Variants in NTM observed in about 807,000 individuals in gnomAD.
NTM encodes neurotrimin, also known as IgLON family member 2.
NTM carries 13 observed loss-of-function variants against 42.1 expected under a neutral mutation model. The observed-to-expected ratio is 0.31, with a 90% CI of 0.20 to 0.49. The LOEUF is 0.49. Among genes scored for constraint, NTM ranks in the 20% least tolerant of loss-of-function variants. NTM has a pLI of 0.99. For synonymous variants in NTM, 187 were observed against 179.2 expected (o/e 1.04, Z -0.35); for missense variants, 373 against 452.8 (o/e 0.82, Z 1.60).
intron 1 of NTM, among the ~76,000 whole-genome samples, chr11:131,677,074 G>A (rs377479832): frequency 2.0e-5 from 3 of 152,182 alleles, no homozygotes; most frequent in Non-Finnish European, 4.4e-5. Flanking sequence ...AGCTAGATCT[G>A]CCTCTGGCAT....
At chr11:132,276,084 G>T (rs2093717134) in intron 4 of NTM, among the ~76,000 whole-genome samples, 1 of 151,842 alleles carries the variant, frequency 6.6e-6, no homozygotes, top group Admixed American at 6.6e-5. Flanking sequence ...ATATATGTGA[G>T]ATCATGCAGT....
chr11:131,910,566 G>T (rs1312549059), intron 1 of NTM, among the ~76,000 whole-genome samples: 2 of 151,178 alleles, frequency 1.3e-5, no homozygotes, highest in African/African-American at 4.8e-5. Flanking sequence ...GGCGGTCAGG[G>T]ATGGAGCTGC....
At chr11:132,314,801 A>G in intron 7 of NTM, 98 bp downstream of exon 7, 3 of 1,438,514 alleles carry the variant, frequency 2.1e-6, no homozygotes, top group Non-Finnish European at 1.8e-6. Flanking sequence ...AGAGGTTAGC[A>G]GGGTATCAGT....
chr11:131,571,132 C>T (rs1294570419), intron 1 of NTM, among the ~76,000 whole-genome samples: 5 of 152,222 alleles, frequency 3.3e-5, no homozygotes, highest in East Asian at 1.9e-4. Flanking sequence ...AATAGTGGCT[C>T]CTCATGGCAT....
At chr11:131,394,099 C>T (rs1944308318) in intron 1 of NTM, among the ~76,000 whole-genome samples, 1 of 152,194 alleles carries the variant, frequency 6.6e-6, no homozygotes, top group Non-Finnish European at 1.5e-5. Flanking sequence ...GGTCTTTCAA[C>T]ACGATTTTCC....
At chr11:132,095,754 C>T (rs149977468) in intron 2 of NTM, among the ~76,000 whole-genome samples, 7 of 152,240 alleles carry the variant, frequency 4.6e-5, no homozygotes, top group East Asian at 3.9e-4. Flanking sequence ...CATCATGCAG[C>T]GTGATCCTAG....
intron 2 of NTM, among the ~76,000 whole-genome samples, chr11:131,974,986 CA>C (rs1372099140): frequency 1.3e-5 from 2 of 152,128 alleles, no homozygotes; most frequent in Non-Finnish European, 2.9e-5. Context: ...TAATAGTTTG[CA>C]AAAACCTTCA....
At chr11:131,604,643 G>T (rs2060772239) in intron 1 of NTM, among the ~76,000 whole-genome samples, 1 of 132,990 alleles carries the variant, frequency 7.5e-6, no homozygotes. Flanking sequence ...CTTCTAAAAG[G>T]TTTTTTTTTT....
At chr11:132,083,353 A>G (rs1350367737) in intron 2 of NTM, among the ~76,000 whole-genome samples, 1 of 152,244 alleles carries the variant, frequency 6.6e-6, no homozygotes, top group Non-Finnish European at 1.5e-5. Context: ...CTTTAGTTTT[A>G]TACTTGGCCT....
chr11:132,215,380 C>T (rs985545605), intron 4 of NTM, among the ~76,000 whole-genome samples: 2 of 151,880 alleles, frequency 1.3e-5, no homozygotes, highest in Non-Finnish European at 2.9e-5. Flanking sequence ...CCTTCATTAT[C>T]ACTTATGTGG....
intron 1 of NTM, among the ~76,000 whole-genome samples, chr11:131,831,170 C>A (rs1358019361): frequency 6.6e-6 from 1 of 152,004 alleles, no homozygotes; most frequent in Non-Finnish European, 1.5e-5. Context: ...CTTTTTCTTG[C>A]CTGATTGCTG....
chr11:131,623,801 A>G (rs376442080), intron 1 of NTM, among the ~76,000 whole-genome samples: 10 of 152,188 alleles, frequency 6.6e-5, no homozygotes, highest in African/African-American at 1.9e-4. Flanking sequence ...TGGAAAGGAG[A>G]TAATGGTGTG....
chr11:132,030,886 T>A (rs2075826756), intron 2 of NTM, among the ~76,000 whole-genome samples: 1 of 152,206 alleles, frequency 6.6e-6, no homozygotes, highest in Non-Finnish European at 1.5e-5. Flanking sequence ...GCATTTTTTC[T>A]CACTTTGGAC....
chr11:131,427,675 ATCG>A (rs1027301527), intron 1 of NTM, among the ~76,000 whole-genome samples: 11 of 152,222 alleles, frequency 7.2e-5, no homozygotes, highest in African/African-American at 1.9e-4. Flanking sequence ...GTTTTCAGTT[ATCG>A]TGTATTACAC....
intron 2 of NTM, among the ~76,000 whole-genome samples, chr11:132,082,049 G>T (rs1020453278): frequency 3.6e-5 from 5 of 139,982 alleles, no homozygotes; most frequent in African/African-American, 1.4e-4. Context: ...ATGGAAAAAT[G>T]GAATTAAAAG....
intron 1 of NTM, among the ~76,000 whole-genome samples, chr11:131,828,623 A>G (rs1350876785): frequency 1.3e-5 from 2 of 152,194 alleles, no homozygotes; most frequent in East Asian, 1.9e-4. Flanking sequence ...CATCATTGCC[A>G]ACATCACTAC....
chr11:132,163,411 T>C lies in NTM; in HGVS notation c.400+16897T>C, dbSNP rs375510153. ...GGCAGGTTTCATCATGCAATGATAA[T>C]GCTATTTTTATGTATAGCTTATTGA... On this transcript the variant is annotated intron_variant, in intron 3 of 8. Coordinates refer to ENST00000683400, the MANE Select transcript of NTM (RefSeq NM_001352005.2). 1.9e-3 allele frequency among the ~76,000 whole-genome samples: 291 copies of C among 152,376 alleles called. 1 individual carries two copies. The highest frequency in any genetic ancestry group is 6.6e-3 in the African/African-American group (275 of 41,586).
intron 1 of NTM, among the ~76,000 whole-genome samples, chr11:131,493,139 C>T (rs1410580897): frequency 6.6e-6 from 1 of 151,950 alleles, no homozygotes; most frequent in Non-Finnish European, 1.5e-5. Flanking sequence ...TGGGGGTGCT[C>T]AAGTGGGAGG....
intron 3 of NTM, among the ~76,000 whole-genome samples, chr11:132,192,043 T>C (rs1240983859): frequency 6.6e-6 from 1 of 152,110 alleles, no homozygotes; most frequent in Non-Finnish European, 1.5e-5. Context: ...CTACAACTCA[T>C]TGGCATTCCT....
Sources: gnomAD v4.1 joint callset for allele counts (sites outside exome capture counted in the v4.1 genomes callset) on GRCh38, gnomAD v4.1.1 for gene constraint, MANE v1.5 for transcripts, NCBI Gene and HGNC (gene_info 2026-07-23, HGNC 2026-07-21) for gene names.